The following HIP1 variants were observed in gnomAD, a reference collection of about 807,000 sequenced individuals.
The protein encoded by HIP1 is huntingtin-interacting protein 1.
In HIP1, 65 loss-of-function variants were observed where a neutral mutation model predicts 147.6. That is an observed-to-expected ratio of 0.44 (90% confidence interval 0.36 to 0.54). The LOEUF is 0.54. HIP1 is among the 20% of genes least tolerant of loss of function. The pLI is 0.00. For synonymous variants in HIP1, 479 were observed against 504.0 expected, an observed-to-expected ratio of 0.95 and a Z score of 0.67; for missense variants, 1,061 against 1,299.6, an observed-to-expected ratio of 0.82 and a Z score of 2.82.
chr7:75,559,571 C>G (rs1795144678), intron 14 of HIP1, among the ~76,000 whole-genome samples, 161 bp downstream of exon 14: 2 of 152,210 alleles, frequency 1.3e-5, no homozygotes, highest in African/African-American at 4.8e-5. Context: ...GGACTCAAAC[C>G]CGCCCTCTGG....
Position 75,734,433 on chromosome 7 carries a change from G to A in HIP1, c.120+4368C>T, listed in dbSNP as rs114765537. Among the ~76,000 whole-genome samples the A allele has an allele frequency of 3.1e-3, 479 of 152,094 alleles. 2 individuals carry two copies. The highest frequency in any genetic ancestry group is 0.01 in the African/African-American group (435 of 41,516). On this transcript the variant is annotated intron_variant, in intron 1 of 30. Coordinates refer to ENST00000336926, the MANE Select transcript of HIP1 (RefSeq NM_005338.7). ...TGCACTCCAGACTGGACAATAGAGCGAGACCATCTCTTACATAAAAATAAA... is the reference window on the plus strand; with the variant it reads ...TGCACTCCAGACTGGACAATAGAGCAAGACCATCTCTTACATAAAAATAAA...
In HIP1 at chr7:75,554,545, G is replaced by A; in HGVS notation, c.1964-19C>T. 1 of 1,593,440 alleles carries A rather than the reference G, an allele frequency of 6.3e-7. No homozygotes were observed. Among genetic ancestry groups the A allele is most frequent in the South Asian group, 1.1e-5 (1 of 90,618 alleles). ...AGGTGATCTGTGAGAGGGAACACAG[G>A]GCAAGGTCAGAGCAAGTTCTCATAG... On this transcript the variant is annotated intron_variant, in intron 19 of 30. Coordinates refer to ENST00000336926, the MANE Select transcript of HIP1 (RefSeq NM_005338.7).
intron 1 of HIP1, among the ~76,000 whole-genome samples, chr7:75,621,656 G>A (rs1554507142): frequency 6.6e-6 from 1 of 152,172 alleles, no homozygotes; most frequent in East Asian, 1.9e-4. Flanking sequence ...GTGGCTGCAG[G>A]GACCACAGTG....
Position 75,568,326 on chromosome 7 carries a change from C to A in HIP1, c.746-70G>T. Reference sequence around the variant, plus strand: ...GGCAGGGAAGCCACAGCGGGGCTCTCGAGGGGGAGGGGCCCAGCTACCCTG... The same window carrying A: ...GGCAGGGAAGCCACAGCGGGGCTCTAGAGGGGGAGGGGCCCAGCTACCCTG... On this transcript the variant is annotated intron_variant, in intron 8 of 30. Coordinates refer to ENST00000336926, the MANE Select transcript of HIP1 (RefSeq NM_005338.7). The surrounding 1 kb of genome is among the most constrained non-coding windows in gnomAD (Gnocchi z 4.1). 1 of 1,014,828 alleles carries A rather than the reference C, an allele frequency of 9.9e-7. No individual in the cohort carries two copies. Among genetic ancestry groups the A allele is most frequent in the Non-Finnish European group, 1.6e-6 (1 of 634,490 alleles). The allele number at this position is 1,014,828 out of a possible 1,614,324, so 62.9% of individuals were successfully genotyped here.
rs544809209 is a variant in HIP1 at position 75,730,982 on chromosome 7, G to A, written c.120+7819C>T. On this transcript the variant is annotated intron_variant, in intron 1 of 30. Coordinates refer to ENST00000336926, the MANE Select transcript of HIP1 (RefSeq NM_005338.7). Reference sequence around the variant, plus strand: ...ACTCCTGGCCTCAAGTGATCCGCCCGCCTCAGCCTCCCAAAGTGCCAGGAT... The same window carrying A: ...ACTCCTGGCCTCAAGTGATCCGCCCACCTCAGCCTCCCAAAGTGCCAGGAT... Among the ~76,000 whole-genome samples the A allele has an allele frequency of 5.3e-5, 8 of 151,488 alleles. No homozygotes were observed. The East Asian group carries it at 9.9e-4, about 19-fold the overall frequency.
In HIP1 at chr7:75,636,548, A is replaced by G. The variant is rs1183940406; in HGVS notation, c.121-37301T>C. Among the ~76,000 whole-genome samples the G allele has an allele frequency of 2.0e-5, 3 of 152,244 alleles. No individual in the cohort carries two copies. In the East Asian group the frequency reaches 5.8e-4, roughly 29 times the overall value. On this transcript the variant is annotated intron_variant, in intron 1 of 30. Coordinates refer to ENST00000336926, the MANE Select transcript of HIP1 (RefSeq NM_005338.7). ...AACCAGAGATGGGAATTTAATGGCCAGAACAGAAAGTACTTTTGGCCTCTT... is the reference window on the plus strand; with the variant it reads ...AACCAGAGATGGGAATTTAATGGCCGGAACAGAAAGTACTTTTGGCCTCTT...
intron 7 of HIP1, among the ~76,000 whole-genome samples, chr7:75,577,477 C>T (rs930751968): frequency 6.6e-6 from 1 of 152,158 alleles, no homozygotes; most frequent in African/African-American, 2.4e-5. Flanking sequence ...TGGACCAGAG[C>T]TACCCGACTA....
At position 75,553,973 on chromosome 7, in the gene HIP1, G is replaced by C. The variant is rs888258538; in HGVS notation, c.2158+140C>G. 4 of 624,998 alleles carry C rather than the reference G, an allele frequency of 6.4e-6. No homozygotes were observed. The Admixed American group carries it at 8.3e-5, about 13-fold the overall frequency. The allele number at this position is 624,998 out of a possible 1,614,324, so 38.7% of individuals were successfully genotyped here. Reference sequence around the variant, plus strand: ...TTGGCCAGGCTGTTCTTGAACTCCCGACCTCAAGTGATCTGCCCGCCTCAG... The same window carrying C: ...TTGGCCAGGCTGTTCTTGAACTCCCCACCTCAAGTGATCTGCCCGCCTCAG... On this transcript the variant is annotated intron_variant, in intron 21 of 30. Coordinates refer to ENST00000336926, the MANE Select transcript of HIP1 (RefSeq NM_005338.7).
intron 18 of HIP1, 108 bp from the exon 19 acceptor site, chr7:75,555,659 A>C (rs1554493110): frequency 8.2e-7 from 1 of 1,225,828 alleles, no homozygotes; most frequent in Non-Finnish European, 1.2e-6. Context: ...ATGGCCAATG[A>C]GGTCCAAGCC....
In HIP1 at chr7:75,729,012, C is replaced by T. The variant is rs868941338; in HGVS notation, c.120+9789G>A. 2.8e-4 allele frequency among the ~76,000 whole-genome samples: 43 copies of T among 151,402 alleles called. 1 individual carries two copies. Among genetic ancestry groups the T allele is most frequent in the African/African-American group, 9.9e-4 (41 of 41,330 alleles). ...CCTAGGTGACAGGATCATTCATACCCCAAAACTCAGTGACATGCAGTTTAC... is the reference window on the plus strand; with the variant it reads ...CCTAGGTGACAGGATCATTCATACCTCAAAACTCAGTGACATGCAGTTTAC... On this transcript the variant is annotated intron_variant, in intron 1 of 30. Coordinates refer to ENST00000336926, the MANE Select transcript of HIP1 (RefSeq NM_005338.7).
intron 1 of HIP1, among the ~76,000 whole-genome samples, chr7:75,634,887 C>T (rs1476526006): frequency 5.0e-5 from 7 of 140,090 alleles, no homozygotes; most frequent in African/African-American, 1.9e-4. Context: ...CTAGAGTCAG[C>T]TACAATTGTG....
chr7:75,597,933 C>T (rs1554502277), intron 2 of HIP1, among the ~76,000 whole-genome samples: 1 of 152,064 alleles, frequency 6.6e-6, no homozygotes, highest in Non-Finnish European at 1.5e-5. Context: ...CCAGCATGGT[C>T]CTGCACCTCT....
chr7:75,731,882 A>G (rs1360344463), intron 1 of HIP1, among the ~76,000 whole-genome samples: 1 of 152,140 alleles, frequency 6.6e-6, no homozygotes, highest in East Asian at 1.9e-4. Context: ...CAAAATGTCA[A>G]TGATCACCCC....
At chr7:75,569,288 T>C (rs1389919484) in intron 8 of HIP1, among the ~76,000 whole-genome samples, 4 of 151,994 alleles carry the variant, frequency 2.6e-5, no homozygotes, top group Non-Finnish European at 4.4e-5. Flanking sequence ...AGGGAACACA[T>C]GTATAAAACA....
intron 1 of HIP1, among the ~76,000 whole-genome samples, chr7:75,665,114 TAGAA>T (rs1481583256): frequency 6.6e-6 from 1 of 151,924 alleles, no homozygotes; most frequent in Non-Finnish European, 1.5e-5. Flanking sequence ...ATTTAAAAAT[TAGAA>T]AGGCATGGAG....
intron 7 of HIP1, among the ~76,000 whole-genome samples, chr7:75,576,828 T>C (rs1171903678): frequency 6.6e-6 from 1 of 152,212 alleles, no homozygotes; most frequent in Admixed American, 6.5e-5. Context: ...TCACCCACAA[T>C]AGTGCTATCC....
intron 1 of HIP1, chr7:75,625,186 A>T (rs1554507817): frequency 6.6e-6 from 1 of 152,202 alleles, no homozygotes; most frequent in Non-Finnish European, 1.5e-5. Flanking sequence ...AAGTGCTGGG[A>T]TTATAAATAT....
chr7:75,639,590 T>TGTGCGC (rs1554510184), intron 1 of HIP1, among the ~76,000 whole-genome samples: 301 of 150,130 alleles, frequency 2.0e-3, no homozygotes, highest in African/African-American at 6.9e-3. Flanking sequence ...TGTGTGTGTG[T>TGTGCGC]GTGCGCCCGC....
chr7:75,655,538 C>T (rs1175932268), intron 1 of HIP1, among the ~76,000 whole-genome samples: 6 of 151,336 alleles, frequency 4.0e-5, no homozygotes, highest in African/African-American at 9.7e-5. Flanking sequence ...GCCGAGATCG[C>T]ACCACTGCAC....
Sources: allele counts gnomAD v4.1 joint callset (sites outside exome capture counted in the v4.1 genomes callset), GRCh38; gene constraint gnomAD v4.1.1; non-coding constraint Gnocchi (gnomAD v3.1); transcripts MANE v1.5; gene names NCBI Gene and HGNC (gene_info 2026-07-23, HGNC 2026-07-21).